Variants in AKT3 observed in about 807,000 individuals in gnomAD.
The protein encoded by AKT3 is RAC-gamma serine/threonine-protein kinase.
Under a neutral mutation model 65.3 loss-of-function variants are expected in AKT3, and 15 were observed. That is an observed-to-expected ratio of 0.23 (90% CI 0.15 to 0.35). The LOEUF (loss-of-function observed/expected upper bound fraction) is 0.35. Among genes scored for constraint, AKT3 ranks in the 10% least tolerant of loss-of-function variants. AKT3 has a pLI of 1.00. For synonymous variants in AKT3, 206 were observed against 183.8 expected, an observed-to-expected ratio of 1.12 and a Z score of -0.98; for missense variants, 243 against 576.5, an observed-to-expected ratio of 0.42 and a Z score of 5.92.
At chr1:243,819,075 C>T (rs906243548) in intron 2 of AKT3, among the ~76,000 whole-genome samples, 10 of 152,346 alleles carry the variant, frequency 6.6e-5, no homozygotes, top group Non-Finnish European at 1.0e-4. Context: ...GCGTGCCAAG[C>T]GCAGAGCTGT....
chr1:243,662,698 A>C (rs1682461259), intron 4 of AKT3, among the ~76,000 whole-genome samples: 1 of 148,126 alleles, frequency 6.8e-6, no homozygotes, highest in Non-Finnish European at 1.5e-5. Flanking sequence ...CTGAAACTTA[A>C]AGTATAATAA....
intron 2 of AKT3, among the ~76,000 whole-genome samples, chr1:243,761,768 A>G (rs1001564924): frequency 6.6e-6 from 1 of 152,220 alleles, no homozygotes; most frequent in African/African-American, 2.4e-5. Context: ...CTGGGAAGAG[A>G]TACTATTAAC....
intron 4 of AKT3, among the ~76,000 whole-genome samples, chr1:243,658,407 C>A (rs1038721485): frequency 6.6e-6 from 1 of 152,052 alleles, no homozygotes; most frequent in African/African-American, 2.4e-5. Flanking sequence ...GATGAAATAT[C>A]ACCTTACACC....
At chr1:243,778,049 T>C (rs375373309) in intron 2 of AKT3, among the ~76,000 whole-genome samples, 22 of 152,194 alleles carry the variant, frequency 1.4e-4, no homozygotes, top group African/African-American at 5.1e-4. Flanking sequence ...TTTCAAAGAC[T>C]GGCTTCCTTT....
intron 2 of AKT3, among the ~76,000 whole-genome samples, chr1:243,745,029 T>C (rs912271785): frequency 4.6e-5 from 7 of 152,024 alleles, no homozygotes; most frequent in Admixed American, 4.6e-4. Flanking sequence ...AAGCTCTCAG[T>C]TCTAAAATAA....
chr1:243,753,984 A>G (rs1392440231), intron 2 of AKT3, among the ~76,000 whole-genome samples: 4 of 152,196 alleles, frequency 2.6e-5, no homozygotes, highest in Non-Finnish European at 5.9e-5. Flanking sequence ...TGTTTCATAT[A>G]CTGGTCTTAT....
chr1:243,548,309 T>A (rs1338178024), intron 11 of AKT3: 2 of 152,240 alleles, frequency 1.3e-5, no homozygotes, highest in Admixed American at 1.3e-4. Flanking sequence ...AATCATTTTG[T>A]AAATAAAATG....
chr1:243,663,965 C>T (rs1682578377), intron 4 of AKT3, among the ~76,000 whole-genome samples: 1 of 152,094 alleles, frequency 6.6e-6, no homozygotes, highest in Non-Finnish European at 1.5e-5. Flanking sequence ...TCACTACCCA[C>T]TTTAGTAATA....
intron 3 of AKT3, among the ~76,000 whole-genome samples, chr1:243,686,935 G>A (rs1684368638): frequency 1.3e-5 from 2 of 151,430 alleles, no homozygotes; most frequent in Admixed American, 6.6e-5. Flanking sequence ...AAAGTTCTGG[G>A]ATTACAGGCG....
intron 8 of AKT3, among the ~76,000 whole-genome samples, chr1:243,598,884 C>T (rs571246843): frequency 7.9e-5 from 12 of 152,176 alleles, no homozygotes; most frequent in African/African-American, 2.4e-4. Context: ...TCCTAGCGAA[C>T]GCAGTAAGCA....
At chr1:243,771,022 A>T (rs1690148460) in intron 2 of AKT3, among the ~76,000 whole-genome samples, 1 of 152,172 alleles carries the variant, frequency 6.6e-6, no homozygotes, top group East Asian at 1.9e-4. Flanking sequence ...TCAGGGAAAA[A>T]GGAAGAGGCT....
At chr1:243,762,812 T>C (rs569228238) in intron 2 of AKT3, among the ~76,000 whole-genome samples, 1 of 152,218 alleles carries the variant, frequency 6.6e-6, no homozygotes, top group South Asian at 2.1e-4. Flanking sequence ...AAGTATATTA[T>C]AGTGAATTTT....
At chr1:243,555,538 T>C (rs933865343) in intron 10 of AKT3, among the ~76,000 whole-genome samples, 1 of 152,190 alleles carries the variant, frequency 6.6e-6, no homozygotes, top group African/African-American at 2.4e-5. Flanking sequence ...TCAAAGCACT[T>C]ATTATTCTAT....
chr1:243,660,305 T>G (rs1682200106), intron 4 of AKT3, among the ~76,000 whole-genome samples: 1 of 152,196 alleles, frequency 6.6e-6, no homozygotes. Context: ...TAGTTTGTAT[T>G]TCTGTGGGAT....
At chr1:243,810,939 T>C (rs548494763) in intron 2 of AKT3, among the ~76,000 whole-genome samples, 161 of 152,276 alleles carry the variant, frequency 1.1e-3, no homozygotes, top group African/African-American at 3.6e-3. Flanking sequence ...ATTATCTCAA[T>C]AGATGCAGAA....
In AKT3 at chr1:243,772,483, T is replaced by C. The variant is rs184493566; in HGVS notation, c.46+70642A>G. ...AGAGAACTGCAAATCAAAACCACAATGAGATATCATCTCACATCAGTTAGA... is the reference window on the plus strand; with the variant it reads ...AGAGAACTGCAAATCAAAACCACAACGAGATATCATCTCACATCAGTTAGA... On this transcript the variant is annotated intron_variant, in intron 2 of 13. Transcript: ENST00000673466. Among the ~76,000 whole-genome samples, 17 of 152,242 alleles carry C rather than the reference T, an allele frequency of 1.1e-4. No individual in the cohort carries two copies. In the East Asian group the frequency reaches 3.1e-3, roughly 28 times the overall value.
chr1:243,630,456 C>T (rs1252251023), intron 6 of AKT3, among the ~76,000 whole-genome samples: 1 of 152,178 alleles, frequency 6.6e-6, no homozygotes, highest in Non-Finnish European at 1.5e-5. Context: ...TATTCCCACT[C>T]AGAAAGGGAG....
chr1:243,849,456 G>A (rs1444938416), intron 1 of AKT3, among the ~76,000 whole-genome samples: 2 of 147,140 alleles, frequency 1.4e-5, no homozygotes, highest in Non-Finnish European at 3.0e-5. Flanking sequence ...GGGGAAGGAA[G>A]GAGACCCCGG....
chr1:243,592,921 C>G (rs886603010), intron 8 of AKT3, among the ~76,000 whole-genome samples: 3 of 152,006 alleles, frequency 2.0e-5, no homozygotes, highest in African/African-American at 7.3e-5. Flanking sequence ...AACAACAGTA[C>G]AAAGGCTTGA....
Sources: allele counts gnomAD v4.1 joint callset (sites outside exome capture counted in the v4.1 genomes callset), GRCh38; gene constraint gnomAD v4.1.1; transcripts MANE v1.5; gene names NCBI Gene and HGNC (gene_info 2026-07-23, HGNC 2026-07-21).